PHTF1: variants seen among roughly 807,000 people sequenced by gnomAD.
PHTF1 encodes the protein putative homeodomain transcription factor 1.
In PHTF1, 88 loss-of-function variants were observed where a neutral mutation model predicts 102.4. That is an observed-to-expected ratio of 0.86 (90% CI 0.72 to 1.03). The LOEUF is 1.03. Among genes scored for constraint, PHTF1 ranks in the 50% least tolerant of loss-of-function variants. The pLI, the probability that PHTF1 is intolerant of heterozygous loss-of-function variation, is 0.00. For missense variants in PHTF1, 814 were observed against 909.5 expected (o/e 0.89, Z 1.35); for synonymous variants, 289 against 305.2 (o/e 0.95, Z 0.55).
At chr1:113,726,366 T>C (rs1653826335) in intron 6 of PHTF1, 52 bp downstream of exon 6, 17 of 1,296,488 alleles carry the variant, frequency 1.3e-5, no homozygotes, top group Non-Finnish European at 1.8e-5. Context: ...TATAAATCTC[T>C]ACAATAACTC....
rs539157827 is a variant in PHTF1, at chr1:113,704,654, A to G, written c.1803+12T>C. 1.3e-6 allele frequency: 2 copies of G among 1,567,536 alleles called. No individual in the cohort carries two copies. The highest frequency in any genetic ancestry group is 1.9e-5 in the Admixed American group (1 of 53,766). ...CTTGCACATACTCTATTGTTAATCAAATAAAACTCACCTTTAGATAGGAAC... is the reference window on the plus strand; with the variant it reads ...CTTGCACATACTCTATTGTTAATCAGATAAAACTCACCTTTAGATAGGAAC... On this transcript the variant is annotated intron_variant, in intron 14 of 18. Transcript: ENST00000369604.
intron 7 of PHTF1, among the ~76,000 whole-genome samples, chr1:113,720,890 G>A (rs1412548677): frequency 6.6e-6 from 1 of 152,194 alleles, no homozygotes; most frequent in African/African-American, 2.4e-5. Context: ...TGAAATCTAG[G>A]CAGAGGTTCT....
Position 113,734,781 on chromosome 1 carries a change from A to G in PHTF1, c.331+3329T>C, listed in dbSNP as rs1409897094. 2.6e-5 allele frequency among the ~76,000 whole-genome samples: 4 copies of G among 152,202 alleles called. No homozygotes were observed. The East Asian group carries it at 7.7e-4, about 29-fold the overall frequency. On this transcript the variant is annotated intron_variant, in intron 5 of 18. Transcript: ENST00000369604. The stretch of plus-strand genomic sequence containing the variant: ...ACCAGTTGGTTATAGTTTGGGGATG[A>G]GTGCCCTTATAGATGTGGCCTTATA...
intron 3 of PHTF1, among the ~76,000 whole-genome samples, chr1:113,742,481 A>T (rs1286901073): frequency 6.6e-6 from 1 of 152,046 alleles, no homozygotes; most frequent in Non-Finnish European, 1.5e-5. Flanking sequence ...AAAATTAGCC[A>T]GGCGTGGTGG....
chr1:113,739,712 C>A (rs1415681244), intron 3 of PHTF1, among the ~76,000 whole-genome samples: 3 of 152,148 alleles, frequency 2.0e-5, no homozygotes, highest in Non-Finnish European at 4.4e-5. Context: ...GTTAACCAAC[C>A]GTTGGCTATC....
At position 113,728,728 on chromosome 1, in the gene PHTF1, G is replaced by A. The variant is rs1654203779; in HGVS notation, c.332-2154C>T. Among the ~76,000 whole-genome samples, 3 of 152,300 alleles carry A rather than the reference G, an allele frequency of 2.0e-5. No individual in the cohort carries two copies. In the South Asian group the frequency reaches 6.2e-4, roughly 32 times the overall value. On this transcript the variant is annotated intron_variant, in intron 5 of 18. Coordinates refer to ENST00000369604, the MANE Select transcript of PHTF1 (RefSeq NM_001323043.2). Reference sequence around the variant, plus strand: ...GTTCAAGACCAGCCTGGGCAACATGGTGAAACCCTGTCTCTACTAAAAATA... The same window carrying A: ...GTTCAAGACCAGCCTGGGCAACATGATGAAACCCTGTCTCTACTAAAAATA...
Position 113,705,894 on chromosome 1 carries a change from TTA to T in PHTF1, c.1665_1666del (p.Tyr555Ter). 1.2e-6 allele frequency: 2 copies of T among 1,613,462 alleles called. No individual in the cohort carries two copies. The highest frequency in any genetic ancestry group is 1.7e-6 in the Non-Finnish European group (2 of 1,179,770). On this transcript the variant is annotated stop_gained and frameshift_variant, in exon 13 of 19. Transcript: ENST00000369604. LOFTEE classifies it high-confidence loss of function. ...TTTCCTTATTTCTCCACTGACCTGTTTATATGTTCTCTCTGCCACACACATCA... is the reference window on the plus strand; with the variant it reads ...TTTCCTTATTTCTCCACTGACCTGTTTATGTTCTCTCTGCCACACACATCA...
intron 7 of PHTF1, among the ~76,000 whole-genome samples, chr1:113,722,930 A>G: frequency 6.9e-6 from 1 of 145,264 alleles, no homozygotes; most frequent in East Asian, 2.0e-4. Context: ...AAATAAATAA[A>G]TAAATAAATA....
chr1:113,750,169 T>C (rs1211371716), intron 3 of PHTF1, among the ~76,000 whole-genome samples: 1 of 152,090 alleles, frequency 6.6e-6, no homozygotes, highest in Non-Finnish European at 1.5e-5. Flanking sequence ...CTAATTTTTT[T>C]ATCTTTTTGT....
chr1:113,719,711 C>G (rs1453278493), intron 7 of PHTF1, among the ~76,000 whole-genome samples: 3 of 152,326 alleles, frequency 2.0e-5, no homozygotes, highest in Non-Finnish European at 4.4e-5. Flanking sequence ...CAAACTGTTC[C>G]AACCTCTGCC....
At chr1:113,698,490 C>G in intron 17 of PHTF1, 103 bp from the exon 18 acceptor site, 2 of 962,968 alleles carry the variant, frequency 2.1e-6, no homozygotes, top group Non-Finnish European at 3.2e-6. Context: ...ATGCTTAAGG[C>G]TGTCTTTCCT....
chr1:113,715,300 G>A (rs1315859039), intron 7 of PHTF1: 1 of 152,216 alleles, frequency 6.6e-6, no homozygotes, highest in Non-Finnish European at 1.5e-5. Context: ...TATCTAATAA[G>A]ATACCAGTGA....
intron 7 of PHTF1, among the ~76,000 whole-genome samples, chr1:113,715,989 A>T (rs1321739553): frequency 6.6e-6 from 1 of 152,116 alleles, no homozygotes; most frequent in Non-Finnish European, 1.5e-5. Flanking sequence ...CAAAACAGCA[A>T]ATCTAAGAGT....
At chr1:113,717,554 T>C (rs576568596) in intron 7 of PHTF1, among the ~76,000 whole-genome samples, 3 of 152,054 alleles carry the variant, frequency 2.0e-5, no homozygotes, top group South Asian at 4.2e-4. Context: ...AACTAAAAAT[T>C]AGCAGGAGTA....
chr1:113,741,136 C>G (rs1436098888), intron 3 of PHTF1, among the ~76,000 whole-genome samples: 2 of 152,202 alleles, frequency 1.3e-5, no homozygotes, highest in Non-Finnish European at 2.9e-5. Flanking sequence ...TTAAAGGTTA[C>G]CGTAATTTGC....
At chr1:113,749,583 C>T (rs900945315) in intron 3 of PHTF1, 2 of 152,194 alleles carry the variant, frequency 1.3e-5, no homozygotes, top group Admixed American at 6.5e-5. Flanking sequence ...AGCTTCAACC[C>T]GGTCTTCTGT....
At chr1:113,756,385 T>C (rs1658884219) in intron 3 of PHTF1, among the ~76,000 whole-genome samples, 1 of 152,194 alleles carries the variant, frequency 6.6e-6, no homozygotes, top group Non-Finnish European at 1.5e-5. Context: ...TTGGCCTATT[T>C]AACAGAACAG....
chr1:113,720,751 G>A (rs1446338043), intron 7 of PHTF1, among the ~76,000 whole-genome samples: 1 of 152,190 alleles, frequency 6.6e-6, no homozygotes, highest in African/African-American at 2.4e-5. Context: ...AAGTGCCCCA[G>A]TGAGAACTCT....
intron 8 of PHTF1, 137 bp from the exon 9 acceptor site, chr1:113,712,250 T>C: frequency 1.6e-6 from 1 of 623,250 alleles, no homozygotes. Context: ...AACAAATCCA[T>C]ATATTACTTA....
Sources: allele counts gnomAD v4.1 joint callset (sites outside exome capture counted in the v4.1 genomes callset), GRCh38; gene constraint gnomAD v4.1.1; transcripts MANE v1.5; gene names NCBI Gene and HGNC (gene_info 2026-07-23, HGNC 2026-07-21).